The following SYCP1 variants were observed in gnomAD, a reference collection of about 807,000 sequenced individuals.
SYCP1 encodes the protein synaptonemal complex protein 1.
SYCP1 carries 64 observed loss-of-function variants against 153.1 expected under a neutral mutation model. The ratio of observed to expected loss-of-function variants is 0.42; its 90% CI spans 0.34 to 0.51. The LOEUF is 0.51. Among genes scored for constraint, SYCP1 ranks in the 20% least tolerant of loss-of-function variants. SYCP1 has a pLI of 0.06. For synonymous variants in SYCP1, 384 were observed against 341.8 expected (o/e 1.12, Z -1.36); for missense variants, 997 against 1,049.0 (o/e 0.95, Z 0.68).
At chr1:114,917,169 C>T (rs1033761572) in intron 20 of SYCP1, among the ~76,000 whole-genome samples, 4 of 151,942 alleles carry the variant, frequency 2.6e-5, no homozygotes, top group Admixed American at 1.3e-4. Flanking sequence ...CCCTGGAAAC[C>T]CTCTTTCTAC....
At chr1:114,958,158 G>C (rs60346142) in intron 27 of SYCP1, among the ~76,000 whole-genome samples, 4,035 of 152,242 alleles carry the variant, frequency 0.027, 212 homozygotes, top group African/African-American at 0.093. Flanking sequence ...GGAGCTGGAG[G>C]ATATTGTGTT....
chr1:114,898,611 GACA>G (rs931650829), intron 16 of SYCP1, among the ~76,000 whole-genome samples: 4 of 152,218 alleles, frequency 2.6e-5, no homozygotes, highest in African/African-American at 7.2e-5. Flanking sequence ...AGAAAGTAAT[GACA>G]AATGTATGAT....
chr1:114,981,565 A>G (rs1234975795), intron 29 of SYCP1, 53 bp downstream of exon 29: 3 of 1,473,142 alleles, frequency 2.0e-6, no homozygotes, highest in Non-Finnish European at 2.8e-6. Flanking sequence ...AAATAAATAA[A>G]GTTCTGTTAT....
At chr1:114,975,655 T>C (rs1672756835) in intron 27 of SYCP1, among the ~76,000 whole-genome samples, 1 of 151,742 alleles carries the variant, frequency 6.6e-6, no homozygotes, top group Non-Finnish European at 1.5e-5. Flanking sequence ...ACTTTACCTA[T>C]AAGCCCATTG....
rs1426891818 is a variant in SYCP1 at position 114,944,951 on chromosome 1, C to T, written c.2123C>T (p.Ala708Val). ...EIDKRCQHKI[A>V]EMVALMEKHK... is the part of the protein sequence containing the mutation. ...GATAAGCGATGTCAACATAAAATAG[C>T]TGAAATGGTAGCACTTATGGAAAAA... Residue 708 changes from alanine to valine, a missense_variant, in exon 25 of 32, where the codon GCT becomes GTT. Physicochemically the swap from Ala to Val is moderately conservative, Grantham distance 64. Coordinates refer to ENST00000369522, the MANE Select transcript of SYCP1 (RefSeq NM_003176.4). 7 of 1,598,128 alleles carry T rather than the reference C, an allele frequency of 4.4e-6. No homozygotes were observed. The highest frequency in any genetic ancestry group is 2.7e-5 in the African/African-American group (2 of 74,000).
At chr1:114,933,856 G>GA (rs1312016030) in intron 23 of SYCP1, among the ~76,000 whole-genome samples, 1 of 152,064 alleles carries the variant, frequency 6.6e-6, no homozygotes, top group Non-Finnish European at 1.5e-5. Flanking sequence ...GAAGTTTAGA[G>GA]AAAAAAGAGT....
At chr1:114,855,261 T>G in intron 1 of SYCP1, 180 bp from the exon 2 acceptor site, 1 of 352,506 alleles carries the variant, frequency 2.8e-6, no homozygotes, top group Non-Finnish European at 5.2e-6. Context: ...AACGAGGGTT[T>G]ATTCCGTTGC....
intron 28 of SYCP1, among the ~76,000 whole-genome samples, chr1:114,979,655 A>C (rs979423342): frequency 6.6e-6 from 1 of 151,826 alleles, no homozygotes; most frequent in Non-Finnish European, 1.5e-5. Context: ...ATGATGTATA[A>C]ATATGTAGGG....
intron 29 of SYCP1, among the ~76,000 whole-genome samples, chr1:114,984,086 A>G (rs1446873050): frequency 2.6e-5 from 4 of 151,766 alleles, no homozygotes; most frequent in Non-Finnish European, 5.9e-5. Flanking sequence ...ATTAAAAAAA[A>G]TTTTAGAGTT....
chr1:114,994,703 G>A lies in SYCP1; in HGVS notation c.2709G>A (p.Met903Ile), dbSNP rs774648335. The A allele has an allele frequency of 4.5e-6, 7 of 1,553,914 alleles. No homozygotes were observed. The South Asian group carries it at 7.6e-5, about 17-fold the overall frequency. Reference sequence around the variant, plus strand: ...TTTTTTTATTTTTCTTCAAGAGCATGGTTTCAGAAGAAGAGACATTGAAAA... The same window carrying A: ...TTTTTTTATTTTTCTTCAAGAGCATAGTTTCAGAAGAAGAGACATTGAAAA... ...DSSETTDLLS[M>I]VSEEETLKTL... is the part of the protein sequence containing the mutation. Residue 903 changes from methionine (M) to isoleucine (I), a missense_variant, in exon 31 of 32, where the codon ATG (methionine) becomes ATA (isoleucine). Physicochemically the swap from Met to Ile is conservative, Grantham distance 10. Transcript: ENST00000369522.
intron 22 of SYCP1, 42 bp from the exon 23 acceptor site, chr1:114,926,459 A>T: frequency 1.3e-6 from 2 of 1,506,926 alleles, no homozygotes; most frequent in Non-Finnish European, 1.8e-6. Flanking sequence ...GGTAAGTTTG[A>T]ATAACTTTAG....
At position 114,923,548 on chromosome 1, in the gene SYCP1, A is replaced by G; in HGVS notation, c.1800+18A>G. Reference sequence around the variant, plus strand: ...AAGAAAATGTATGTTATATTTAATAATGGATCGTATCACAAAATTTCAAAT... The same window carrying G: ...AAGAAAATGTATGTTATATTTAATAGTGGATCGTATCACAAAATTTCAAAT... On this transcript the variant is annotated intron_variant, in intron 21 of 31. Transcript: ENST00000369522. The G allele has an allele frequency of 4.5e-6, 7 of 1,549,644 alleles. No individual in the cohort carries two copies. The highest frequency in any genetic ancestry group is 6.1e-6 in the Non-Finnish European group (7 of 1,144,512).
chr1:114,883,172 A>T (rs1260474261), intron 12 of SYCP1, among the ~76,000 whole-genome samples: 1 of 152,066 alleles, frequency 6.6e-6, no homozygotes, highest in Non-Finnish European at 1.5e-5. Flanking sequence ...TTGATCTTGA[A>T]TTTTTATTCC....
chr1:114,983,193 T>G (rs192493963), intron 29 of SYCP1, among the ~76,000 whole-genome samples: 105 of 152,116 alleles, frequency 6.9e-4, no homozygotes, highest in Admixed American at 2.3e-3. Flanking sequence ...TTTCAGGACC[T>G]TCCTGAGCCT....
chr1:114,950,162 A>G (rs1671000807), intron 27 of SYCP1, among the ~76,000 whole-genome samples: 1 of 152,186 alleles, frequency 6.6e-6, no homozygotes, highest in African/African-American at 2.4e-5. Flanking sequence ...CTTTTCTGAG[A>G]GGATGCTTTA....
At chr1:114,993,794 A>G (rs1013040752) in intron 30 of SYCP1, among the ~76,000 whole-genome samples, 1 of 151,536 alleles carries the variant, frequency 6.6e-6, no homozygotes, top group East Asian at 1.9e-4. Context: ...AAATACATTT[A>G]TAATGTTGTG....
At chr1:114,905,308 C>T (rs528015126) in intron 16 of SYCP1, among the ~76,000 whole-genome samples, 1 of 152,180 alleles carries the variant, frequency 6.6e-6, no homozygotes, top group South Asian at 2.1e-4. Flanking sequence ...TTCTTGGAAA[C>T]ATTTAATAGG....
At chr1:114,854,456 C>T (rs572709626), upstream of SYCP1, among the ~76,000 whole-genome samples, 8 of 152,328 alleles carry the variant, frequency 5.3e-5, no homozygotes, top group African/African-American at 1.9e-4. Context: ...TCCATTCACT[C>T]ATTCTTATGT....
chr1:114,875,770 A>G (rs1284420982), intron 9 of SYCP1, among the ~76,000 whole-genome samples: 2 of 152,192 alleles, frequency 1.3e-5, no homozygotes, highest in Admixed American at 6.5e-5. Flanking sequence ...GCACAAATAA[A>G]TACAAAATTA....
Sources: gnomAD v4.1 joint callset for allele counts (sites outside exome capture counted in the v4.1 genomes callset) on GRCh38, gnomAD v4.1.1 for gene constraint, MANE v1.5 for transcripts, NCBI Gene and HGNC (gene_info 2026-07-23, HGNC 2026-07-21) for gene names.